Variants in USH2A observed in about 807,000 individuals in gnomAD.
The protein encoded by USH2A is Usher syndrome 2A (autosomal recessive, mild).
In USH2A, 443 loss-of-function variants were observed where a neutral mutation model predicts 538.9. The observed-to-expected ratio is 0.82, with a 90% CI of 0.76 to 0.89. The LOEUF (loss-of-function observed/expected upper bound fraction) is 0.89. Ranked by LOEUF, USH2A falls within the 40% of genes least tolerant of loss-of-function variation. The probability of loss-of-function intolerance (pLI) is 0.00; values close to 1 mark genes in which losing one functional copy is unlikely to be tolerated. For missense variants in USH2A, 6,633 were observed against 6,324.8 expected (o/e 1.05, Z -1.65); for synonymous variants, 2,413 against 2,273.5 (o/e 1.06, Z -1.75).
chr1:215,971,689 T>C (rs539125350), intron 35 of USH2A, among the ~76,000 whole-genome samples: 1 of 152,304 alleles, frequency 6.6e-6, no homozygotes, highest in African/African-American at 2.4e-5. Context: ...CAACTAATTA[T>C]ATAAACAAGA....
intron 37 of USH2A, among the ~76,000 whole-genome samples, chr1:215,935,204 G>C (rs1468738536): frequency 6.6e-6 from 1 of 151,900 alleles, no homozygotes; most frequent in African/African-American, 2.4e-5. Flanking sequence ...GTGCAGACAG[G>C]AAGAAATAAC....
intron 21 of USH2A, among the ~76,000 whole-genome samples, chr1:216,157,562 A>G (rs2033973457): frequency 6.6e-6 from 1 of 152,176 alleles, no homozygotes; most frequent in Non-Finnish European, 1.5e-5. Context: ...CACAGAATCA[A>G]TCTAGGTGCC....
intron 12 of USH2A, among the ~76,000 whole-genome samples, chr1:216,250,299 C>A (rs2036133147): frequency 6.6e-6 from 1 of 152,062 alleles, no homozygotes; most frequent in African/African-American, 2.4e-5. Context: ...ACACCGAAGG[C>A]AGCTGTTTAT....
At position 215,900,892 on chromosome 1, in the gene USH2A, C is replaced by A; in HGVS notation, c.7314G>T (p.Val2438=). 6.2e-7 allele frequency: 1 copy of A among 1,613,478 alleles called. No homozygotes were observed. The highest frequency in any genetic ancestry group is 8.5e-7 in the Non-Finnish European group (1 of 1,179,676). Residue 2438 remains valine (V), a synonymous_variant, in exon 39 of 72, where the codon GTG becomes GTT. Transcript: ENST00000307340. ...TGGCAGATGAAAGCCTGGGAGGCAGCACGCCATCTGGAGCTGTCGAAAAAC... is the reference window on the plus strand; with the variant it reads ...TGGCAGATGAAAGCCTGGGAGGCAGAACGCCATCTGGAGCTGTCGAAAAAC... ...IAMPPGAPDG[V]LPPRLSSATP... is the part of the protein sequence containing the mutation.
chr1:215,670,342 GGTT>G (rs1328400394), intron 64 of USH2A, among the ~76,000 whole-genome samples: 2 of 152,142 alleles, frequency 1.3e-5, no homozygotes, highest in African/African-American at 4.8e-5. Context: ...CAGGAAATGA[GGTT>G]GTTATCACAA....
intron 35 of USH2A, among the ~76,000 whole-genome samples, chr1:215,986,257 C>T (rs1036188247): frequency 6.6e-6 from 1 of 151,524 alleles, no homozygotes; most frequent in Non-Finnish European, 1.5e-5. Flanking sequence ...GTAGCTGGGA[C>T]TACAGGCACA....
chr1:216,170,862 C>A (rs2034264713), intron 21 of USH2A, among the ~76,000 whole-genome samples: 1 of 151,908 alleles, frequency 6.6e-6, no homozygotes, highest in African/African-American at 2.4e-5. Flanking sequence ...ACAATGATAT[C>A]CCCTTCTAGT....
At chr1:215,649,612 A>C (rs1656982995) in intron 65 of USH2A, among the ~76,000 whole-genome samples, 1 of 152,204 alleles carries the variant, frequency 6.6e-6, no homozygotes, top group Admixed American at 6.5e-5. Flanking sequence ...AAAATATGCT[A>C]ATATTCCTTT....
intron 13 of USH2A, 121 bp downstream of exon 13, chr1:216,246,464 T>C: frequency 4.0e-6 from 5 of 1,238,462 alleles, no homozygotes; most frequent in Non-Finnish European, 5.8e-6. Flanking sequence ...ATGATATAAA[T>C]ACAGTAATGA....
intron 32 of USH2A, among the ~76,000 whole-genome samples, chr1:216,034,318 C>T (rs756829885): frequency 1.1e-4 from 17 of 152,174 alleles, no homozygotes; most frequent in South Asian, 2.1e-4. Context: ...TATACAACCT[C>T]CACTCTGTCC....
chr1:215,805,869 C>G (rs908356421), intron 49 of USH2A, among the ~76,000 whole-genome samples: 2 of 151,666 alleles, frequency 1.3e-5, no homozygotes, highest in Non-Finnish European at 2.9e-5. Context: ...TTAGATAAAG[C>G]CAAGAATGAG....
intron 35 of USH2A, among the ~76,000 whole-genome samples, chr1:215,989,060 G>A (rs1303119077): frequency 6.6e-6 from 1 of 152,126 alleles, no homozygotes; most frequent in Non-Finnish European, 1.5e-5. Context: ...GGCAAGGACT[G>A]GACATTTATA....
intron 61 of USH2A, among the ~76,000 whole-genome samples, chr1:215,709,694 A>G (rs900932917): frequency 6.7e-6 from 1 of 150,050 alleles, no homozygotes; most frequent in Non-Finnish European, 1.5e-5. Flanking sequence ...CTAATTTCCC[A>G]GTGGGAAGTG....
chr1:216,164,565 C>T (rs905043767), intron 21 of USH2A, among the ~76,000 whole-genome samples: 7 of 152,022 alleles, frequency 4.6e-5, no homozygotes, highest in African/African-American at 1.7e-4. Flanking sequence ...TATAAGTACA[C>T]ATAACATTTA....
At chr1:216,362,185 T>G (rs546418417) in intron 4 of USH2A, among the ~76,000 whole-genome samples, 2 of 152,212 alleles carry the variant, frequency 1.3e-5, no homozygotes, top group East Asian at 3.9e-4. Flanking sequence ...TCATAAGCCA[T>G]CAAAAAACTG....
intron 69 of USH2A, among the ~76,000 whole-genome samples, chr1:215,635,531 TTTTATTTATTTATTTA>T (rs35379579): frequency 2.2e-3 from 316 of 142,142 alleles, no homozygotes; most frequent in African/African-American, 7.8e-3. Context: ...GTAGGATTAT[TTTTATTTATTTATTTA>T]TTTATTTATT....
At chr1:215,738,835 A>T (rs980569545) in intron 60 of USH2A, among the ~76,000 whole-genome samples, 2 of 152,208 alleles carry the variant, frequency 1.3e-5, no homozygotes, top group Admixed American at 1.3e-4. Flanking sequence ...AGCTGAAATT[A>T]CATGCCATAA....
chr1:215,894,735 TC>T (rs547729480), intron 40 of USH2A, among the ~76,000 whole-genome samples: 5 of 152,038 alleles, frequency 3.3e-5, no homozygotes, highest in Non-Finnish European at 7.4e-5. Flanking sequence ...TTTTGGGATG[TC>T]CCTCTCTTAC....
chr1:215,767,213 G>A (rs911845245), intron 55 of USH2A, among the ~76,000 whole-genome samples: 10 of 112,810 alleles, frequency 8.9e-5, no homozygotes, highest in Non-Finnish European at 2.1e-4. Flanking sequence ...TTTCACCCCT[G>A]GGGACATATA....
Sources: gnomAD v4.1 joint callset for allele counts (sites outside exome capture counted in the v4.1 genomes callset) on GRCh38, gnomAD v4.1.1 for gene constraint, MANE v1.5 for transcripts, NCBI Gene and HGNC (gene_info 2026-07-23, HGNC 2026-07-21) for gene names.